The following MADD variants were observed in gnomAD, a reference collection of about 807,000 sequenced individuals.
MADD encodes MAP kinase-activating death domain protein.
MADD carries 109 observed loss-of-function variants against 176.7 expected under a neutral mutation model. The ratio of observed to expected loss-of-function variants is 0.62; its 90% confidence interval spans 0.53 to 0.72. MADD has a LOEUF of 0.72. Ranked by LOEUF, MADD falls within the 30% of genes least tolerant of loss-of-function variation. MADD has a pLI of 0.00. For missense variants in MADD, 1,914 were observed against 2,045.5 expected, an observed-to-expected ratio of 0.94 and a Z score of 1.24; for synonymous variants, 771 against 771.3, an observed-to-expected ratio of 1.00 and a Z score of 0.01.
intron 27 of MADD, among the ~76,000 whole-genome samples, chr11:47,316,132 G>A (rs1000057628): frequency 4.0e-5 from 6 of 151,546 alleles, no homozygotes; most frequent in Non-Finnish European, 7.4e-5. Flanking sequence ...CACTGCGCCC[G>A]GCCCCATTTC....
Position 47,308,574 on chromosome 11 carries a change from T to C in MADD, c.3643-17T>C. ...ATTGCTACCTCTGGCCACTGACCTA[T>C]CACCTCTTCTCTCTAGGGTAAAGCC... is the stretch of plus-strand genomic sequence containing the variant. On this transcript the variant is annotated splice_polypyrimidine_tract_variant and intron_variant, in intron 22 of 32. Transcript: ENST00000402192. 4 of 1,605,662 alleles carry C rather than the reference T, an allele frequency of 2.5e-6. No individual in the cohort carries two copies. The highest frequency in any genetic ancestry group is 3.4e-6 in the Non-Finnish European group (4 of 1,172,848).
exon 5 of MADD, chr11:47,276,786 G>A (rs1209068827): frequency 2.5e-6 from 4 of 1,614,024 alleles, no homozygotes; most frequent in Middle Eastern, 1.6e-4. Context: ...GATGGCATTC[G>A]TGGCAATGAT....
intron 27 of MADD, among the ~76,000 whole-genome samples, chr11:47,323,213 G>A (rs1314757564): frequency 6.6e-6 from 1 of 150,422 alleles, no homozygotes; most frequent in Non-Finnish European, 1.5e-5. Context: ...ACTCCAGCCT[G>A]GGCAACAGAG....
At position 47,311,909 on chromosome 11, in the gene MADD, CCAGTT is replaced by C. The variant is rs1282775513; in HGVS notation, c.4089+70_4089+74del. The C allele has an allele frequency of 3.3e-5, 31 of 933,274 alleles. No individual in the cohort carries two copies. The African/African-American group carries it at 3.9e-4, about 12-fold the overall frequency. 57.8% of individuals were successfully genotyped at this position (933,274 alleles called of 1,614,324 possible). A position where few individuals can be genotyped will look rare whatever the true frequency, so the allele number is the denominator to read the frequency against. On this transcript the variant is annotated intron_variant, in intron 26 of 32. Coordinates refer to ENST00000402192, the Ensembl canonical transcript of MADD. ...TTTCTTGGTTTGTGTCACTTGCAGT[CCAGTT>C]CACCCCGTTTTTGAAAATGGAGCAG...
At chr11:47,279,381 CTTT>C (rs34428529) in intron 7 of MADD, among the ~76,000 whole-genome samples, 5 of 116,804 alleles carry the variant, frequency 4.3e-5, no homozygotes, top group Admixed American at 9.2e-5. Context: ...TTTTCTCAGT[CTTT>C]TTTTTTTTTT....
chr11:47,285,637 T>A, intron 14 of MADD, 47 bp downstream of exon 14: 1 of 1,610,572 alleles, frequency 6.2e-7, no homozygotes, highest in Non-Finnish European at 8.5e-7. Context: ...CCATTTTCTC[T>A]ACAGCAGAGC....
chr11:47,315,262 A>T (rs2092403680), exon 27 of MADD: 1 of 1,613,860 alleles, frequency 6.2e-7, no homozygotes, highest in Admixed American at 1.7e-5. Context: ...CAGCCGGCAC[A>T]TGAAGAAGCA....
intron 22 of MADD, among the ~76,000 whole-genome samples, chr11:47,301,013 C>A (rs1593709476): frequency 7.5e-6 from 1 of 132,818 alleles, no homozygotes; most frequent in Non-Finnish European, 1.6e-5. Context: ...TGGTGGAGGT[C>A]TTTTCACTCT....
chr11:47,286,677 A>T, intron 15 of MADD, 143 bp downstream of exon 15: 1 of 631,046 alleles, frequency 1.6e-6, no homozygotes, highest in Non-Finnish European at 2.8e-6. Context: ...TTCACCGCAC[A>T]TCCTGGGCTC....
intron 27 of MADD, among the ~76,000 whole-genome samples, chr11:47,318,933 G>C (rs2093819453): frequency 1.3e-5 from 2 of 148,772 alleles, no homozygotes; most frequent in African/African-American, 5.0e-5. Context: ...TCAGCCTCCT[G>C]AGTAGCTGGG....
intron 27 of MADD, among the ~76,000 whole-genome samples, chr11:47,316,461 T>C (rs926251054): frequency 6.7e-6 from 1 of 148,282 alleles, no homozygotes; most frequent in Non-Finnish European, 1.5e-5. Flanking sequence ...TGATCTCAGC[T>C]CACTGCAACC....
intron 27 of MADD, among the ~76,000 whole-genome samples, chr11:47,320,195 G>A (rs928814598): frequency 1.3e-5 from 2 of 151,246 alleles, no homozygotes; most frequent in African/African-American, 2.4e-5. Flanking sequence ...GGTGGCTCAC[G>A]CCTGTAATCC....
exon 3 of MADD, chr11:47,275,095 C>G (rs763708702): frequency 1.2e-5 from 20 of 1,614,114 alleles, no homozygotes; most frequent in Non-Finnish European, 1.7e-5. Context: ...TCTCAAGCGC[C>G]TGGTGGACTG....
chr11:47,297,583 A>ATT (rs1257685454), intron 22 of MADD, among the ~76,000 whole-genome samples: 11 of 150,586 alleles, frequency 7.3e-5, no homozygotes, highest in African/African-American at 2.4e-4. Flanking sequence ...AGTAGCTGGG[A>ATT]CTACGGGTGC....
chr11:47,272,568 C>T (rs2045642967), intron 1 of MADD, among the ~76,000 whole-genome samples: 1 of 152,096 alleles, frequency 6.6e-6, no homozygotes. Context: ...AATCCTGGAA[C>T]ACTAGAAATA....
At chr11:47,326,628 T>C in intron 30 of MADD, 76 bp downstream of exon 34, 1 of 1,519,106 alleles carries the variant, frequency 6.6e-7, no homozygotes, top group East Asian at 2.3e-5. Context: ...GTCCTCTCTT[T>C]GGGAAATAGA....
At chr11:47,291,548 G>A (rs2065303097) in intron 19 of MADD, among the ~76,000 whole-genome samples, 1 of 152,274 alleles carries the variant, frequency 6.6e-6, no homozygotes, top group Middle Eastern at 3.4e-3. Flanking sequence ...ATGGCCATTA[G>A]CAGTTGCCAT....
chr11:47,299,391 T>G (rs948543724), intron 22 of MADD, among the ~76,000 whole-genome samples: 1 of 151,328 alleles, frequency 6.6e-6, no homozygotes, highest in African/African-American at 2.5e-5. Context: ...TCATAAAAGA[T>G]AAATTTCTCC....
Position 47,281,650 on chromosome 11 carries a change from C to G in MADD, c.1366C>G (p.Leu456Val), listed in dbSNP as rs373294108. Reference sequence around the variant, plus strand: ...ATTTCATGAGGGCCAGGAGATCCCCCTTCTCTTGGGAAGGCCTTCTAATGA... The same window carrying G: ...ATTTCATGAGGGCCAGGAGATCCCCGTTCTCTTGGGAAGGCCTTCTAATGA... The change falls in exon 8 of 33, where the codon CTT (leucine) becomes GTT (valine). Residue 456 changes from leucine to valine, a missense_variant. Physicochemically the swap from Leu to Val is conservative, Grantham distance 32. Transcript: ENST00000402192. 6.8e-6 allele frequency: 11 copies of G among 1,613,470 alleles called. No homozygotes were observed. In the South Asian group the frequency reaches 8.8e-5, roughly 13 times the overall value.
Sources: allele counts gnomAD v4.1 joint callset (sites outside exome capture counted in the v4.1 genomes callset), GRCh38; gene constraint gnomAD v4.1.1; transcripts MANE v1.5; gene names NCBI Gene and HGNC (gene_info 2026-07-23, HGNC 2026-07-21).